The following CACNA2D1 variants were observed in gnomAD, a reference collection of about 807,000 sequenced individuals.
The protein encoded by CACNA2D1 is voltage-dependent calcium channel subunit alpha-2/delta-1.
Under a neutral mutation model 171.5 loss-of-function variants are expected in CACNA2D1, and 53 were observed. The observed-to-expected ratio is 0.31, with a 90% CI of 0.25 to 0.39. CACNA2D1 has a LOEUF of 0.39. CACNA2D1 is among the 10% of genes least tolerant of loss of function. The pLI, the probability that CACNA2D1 is intolerant of heterozygous loss-of-function variation, is 1.00. For missense variants in CACNA2D1, 903 were observed against 1,299.8 expected (o/e 0.69, Z 4.69); for synonymous variants, 442 against 443.1 (o/e 1.00, Z 0.03).
intron 12 of CACNA2D1, among the ~76,000 whole-genome samples, chr7:82,026,585 G>C (rs777750991): frequency 1.3e-5 from 2 of 151,560 alleles, no homozygotes; most frequent in Non-Finnish European, 3.0e-5. Context: ...CATTAATTTT[G>C]TGGCTCTGGA....
intron 10 of CACNA2D1, among the ~76,000 whole-genome samples, chr7:82,051,671 T>C (rs182810266): frequency 3.3e-5 from 5 of 152,200 alleles, no homozygotes; most frequent in Middle Eastern, 3.2e-3. Flanking sequence ...CTGCAATCCA[T>C]ATACATTTTC....
Position 82,032,895 on chromosome 7 carries a change from C to T in CACNA2D1, c.1045G>A (p.Val349Ile). The T allele has an allele frequency of 1.9e-6, 3 of 1,568,138 alleles. No individual in the cohort carries two copies. In the South Asian group the frequency reaches 3.3e-5, roughly 17 times the overall value. ...ATCTTATTGCAGTTTGCTCTGGAAA[C>T]ATTATACTGTTAAAAACAAAACCAA... ...FAFEQLLNYNVSRANCNKIIM... is the reference protein window; with the variant it reads ...FAFEQLLNYNISRANCNKIIM... The change falls in exon 12 of 39, where the codon GTT (valine) becomes ATT (isoleucine). Residue 349 changes from valine to isoleucine, a missense_variant. By Grantham distance (29) the Val-to-Ile change is conservative (BLOSUM62 3). Transcript: ENST00000356860.
At chr7:82,174,806 T>C (rs1319072256) in intron 3 of CACNA2D1, among the ~76,000 whole-genome samples, 1 of 152,134 alleles carries the variant, frequency 6.6e-6, no homozygotes, top group Non-Finnish European at 1.5e-5. Flanking sequence ...AGATTATTGC[T>C]AATCAGTAAA....
At chr7:82,002,126 T>G (rs190613398) in intron 18 of CACNA2D1, among the ~76,000 whole-genome samples, 4 of 151,348 alleles carry the variant, frequency 2.6e-5, no homozygotes, top group Admixed American at 6.6e-5. Context: ...CCTCAATTCA[T>G]ATGTTGAAAT....
Position 82,152,048 on chromosome 7 carries a change from G to A in CACNA2D1, c.355-15372C>T, listed in dbSNP as rs182807037. Among the ~76,000 whole-genome samples, 152 of 152,040 alleles carry A rather than the reference G, an allele frequency of 1.0e-3. 4 individuals carry two copies. In the East Asian group the frequency reaches 0.024, roughly 24 times the overall value. On this transcript the variant is annotated intron_variant, in intron 4 of 38. Transcript: ENST00000356860. Reference sequence around the variant, plus strand: ...AAGAAGAACAAGTGAACTGAAAGCAGATCAAGTGAGATTATATCTAAGCTT... The same window carrying A: ...AAGAAGAACAAGTGAACTGAAAGCAAATCAAGTGAGATTATATCTAAGCTT...
chr7:81,975,763 C>G (rs1200999270), intron 24 of CACNA2D1, among the ~76,000 whole-genome samples: 1 of 151,912 alleles, frequency 6.6e-6, no homozygotes, highest in Non-Finnish European at 1.5e-5. Context: ...AAAATTTACA[C>G]TCATTATTAT....
chr7:82,008,661 T>C (rs1350854291), intron 15 of CACNA2D1, among the ~76,000 whole-genome samples: 2 of 152,178 alleles, frequency 1.3e-5, no homozygotes, highest in Non-Finnish European at 2.9e-5. Context: ...TGAGAAATTA[T>C]TATTAATCTT....
intron 1 of CACNA2D1, among the ~76,000 whole-genome samples, chr7:82,394,189 C>G (rs1825523277): frequency 6.6e-6 from 1 of 152,096 alleles, no homozygotes; most frequent in South Asian, 2.1e-4. Context: ...AGACACATTT[C>G]TTGATACGTC....
chr7:82,370,628 T>A (rs1822301024), intron 1 of CACNA2D1, among the ~76,000 whole-genome samples: 1 of 152,012 alleles, frequency 6.6e-6, no homozygotes, highest in Non-Finnish European at 1.5e-5. Flanking sequence ...TATAAGTAGA[T>A]ACACATACTC....
chr7:82,428,367 T>A (rs1829381509), intron 1 of CACNA2D1, among the ~76,000 whole-genome samples: 1 of 152,094 alleles, frequency 6.6e-6, no homozygotes. Flanking sequence ...GCATAAAAAA[T>A]CTTAAACATA....
intron 3 of CACNA2D1, among the ~76,000 whole-genome samples, chr7:82,197,878 T>C (rs1799010176): frequency 6.6e-6 from 1 of 151,870 alleles, no homozygotes; most frequent in Admixed American, 6.6e-5. Context: ...GTTATATTTA[T>C]GGGAAATGTG....
chr7:81,973,192 C>T (rs1463381574), intron 25 of CACNA2D1, among the ~76,000 whole-genome samples: 1 of 151,994 alleles, frequency 6.6e-6, no homozygotes, highest in Non-Finnish European at 1.5e-5. Context: ...GAACATTCAA[C>T]AATCTTATTA....
chr7:82,096,308 G>T (rs149036431), intron 6 of CACNA2D1, among the ~76,000 whole-genome samples: 1 of 152,066 alleles, frequency 6.6e-6, no homozygotes, highest in Non-Finnish European at 1.5e-5. Context: ...CAGACAGTGG[G>T]CCATACTTTG....
chr7:82,187,471 ACATCTG>A (rs1373033270), intron 3 of CACNA2D1, among the ~76,000 whole-genome samples: 2 of 152,198 alleles, frequency 1.3e-5, no homozygotes, highest in Non-Finnish European at 2.9e-5. Context: ...TACTCCAGCA[ACATCTG>A]TAGATAAGAT....
At chr7:82,220,892 C>A (rs1314253207) in intron 3 of CACNA2D1, among the ~76,000 whole-genome samples, 1 of 151,228 alleles carries the variant, frequency 6.6e-6, no homozygotes, top group East Asian at 2.0e-4. Context: ...GATTCTCATG[C>A]CTCAGCCTCC....
chr7:82,172,884 A>G lies in CACNA2D1; in HGVS notation c.295-2275T>C, dbSNP rs368768563. On this transcript the variant is annotated intron_variant, in intron 3 of 38. Coordinates refer to ENST00000356860, the MANE Select transcript of CACNA2D1 (RefSeq NM_000722.4). ...TAAACAAAATTCTGAATAAAATACTAAACCTTTTTAGATTAAGAAACATTA... is the reference window on the plus strand; with the variant it reads ...TAAACAAAATTCTGAATAAAATACTGAACCTTTTTAGATTAAGAAACATTA... Among the ~76,000 whole-genome samples, 9 of 152,002 alleles carry G rather than the reference A, an allele frequency of 5.9e-5. No individual in the cohort carries two copies. In the South Asian group the frequency reaches 1.7e-3, roughly 28 times the overall value.
chr7:82,378,658 A>G (rs959329696), intron 1 of CACNA2D1, among the ~76,000 whole-genome samples: 3 of 152,114 alleles, frequency 2.0e-5, no homozygotes, highest in African/African-American at 7.2e-5. Context: ...ACTTGTTAAA[A>G]ACACCAAATT....
chr7:82,049,157 A>C (rs545620157), intron 10 of CACNA2D1, among the ~76,000 whole-genome samples: 1 of 150,894 alleles, frequency 6.6e-6, no homozygotes, highest in South Asian at 2.1e-4. Flanking sequence ...AATCCTAAAT[A>C]ACCTTGGCGG....
chr7:82,030,655 A>T (rs989709283), intron 12 of CACNA2D1, among the ~76,000 whole-genome samples: 3 of 151,820 alleles, frequency 2.0e-5, no homozygotes, highest in African/African-American at 7.2e-5. Flanking sequence ...ATGATTACAT[A>T]ATGAAAGGAA....
Sources: allele counts gnomAD v4.1 joint callset (sites outside exome capture counted in the v4.1 genomes callset), GRCh38; gene constraint gnomAD v4.1.1; transcripts MANE v1.5; gene names NCBI Gene and HGNC (gene_info 2026-07-23, HGNC 2026-07-21).